The following ALDH3A1 variants were observed in gnomAD, a reference collection of about 807,000 sequenced individuals.
ALDH3A1 encodes the protein aldehyde dehydrogenase 3 family member A1.
ALDH3A1 carries 46 observed loss-of-function variants against 49.9 expected under a neutral mutation model. The observed-to-expected ratio is 0.92, with a 90% confidence interval of 0.73 to 1.18. The LOEUF (loss-of-function observed/expected upper bound fraction) is 1.18, where lower values mean the gene tolerates loss of function less well. Ranked by LOEUF, ALDH3A1 falls within the 50% of genes most tolerant of loss-of-function variation. The pLI, the probability that ALDH3A1 is intolerant of heterozygous loss-of-function variation, is 0.00. For synonymous variants in ALDH3A1, 269 were observed against 253.3 expected (o/e 1.06, Z -0.59); for missense variants, 592 against 611.8 (o/e 0.97, Z 0.34).
rs147573068 is a variant in ALDH3A1 at position 19,742,811 on chromosome 17, G to C, written c.395-181C>G. 8.3e-4 allele frequency: 1,274 copies of C among 1,534,706 alleles called. 11 individuals carry two copies. In the African/African-American group the frequency reaches 0.014, roughly 17 times the overall value. The stretch of plus-strand genomic sequence containing the variant: ...CAGGAGCACGCACGGGCACATGACA[G>C]AGGGACACACACGGGCACACGCTGG... On this transcript the variant is annotated intron_variant, in intron 3 of 10. Coordinates refer to ENST00000225740, the MANE Select transcript of ALDH3A1 (RefSeq NM_000691.5).
rs2086540224 is a variant in ALDH3A1 at position 19,743,442 on chromosome 17, C to T, written c.184G>A (p.Glu62Lys). The T allele has an allele frequency of 6.2e-7, 1 of 1,605,746 alleles. No individual in the cohort carries two copies. Among genetic ancestry groups the T allele is most frequent in the African/African-American group, 1.3e-5 (1 of 74,684 alleles). ...LHKNEWNAYY[E>K]EVVYVLEEIE... ...TCCTCTAGGACGTACACCACCTCCT[C>T]ATAGTAGGCGTTCCATTCATTCTGC... Residue 62 changes from glutamate to lysine, a missense_variant, in exon 3 of 11, where the codon GAG becomes AAG. By Grantham distance (56) the Glu-to-Lys change is moderately conservative (BLOSUM62 1). Coordinates refer to ENST00000225740, the MANE Select transcript of ALDH3A1 (RefSeq NM_000691.5). The surrounding 1 kb of genome is among the most constrained non-coding windows in gnomAD (Gnocchi z 4.4).
Position 19,739,005 on chromosome 17 carries a change from C to A in ALDH3A1, c.1207G>T (p.Gly403Trp), listed in dbSNP as rs763851225. ...VHITLHSLPF[G>W]GVGNSGMGSY... is the part of the protein sequence containing the mutation. ...TCAGCCCCAGACTCACCCACGCCCC[C>A]GAAGGGCAGAGAGTGCAAGGTGATG... The change falls in exon 9 of 11, where the codon GGG becomes TGG. Residue 403 changes from glycine to tryptophan, a missense_variant. Physicochemically the swap from Gly to Trp is radical, Grantham distance 184 (BLOSUM62 -2). Coordinates refer to ENST00000225740, the MANE Select transcript of ALDH3A1 (RefSeq NM_000691.5). 2 of 1,613,270 alleles carry A rather than the reference C, an allele frequency of 1.2e-6. No homozygotes were observed. Among genetic ancestry groups the A allele is most frequent in the African/African-American group, 2.7e-5 (2 of 74,912 alleles).
At chr17:19,746,605 G>T (rs1423158827) in intron 1 of ALDH3A1, among the ~76,000 whole-genome samples, 1 of 151,662 alleles carries the variant, frequency 6.6e-6, no homozygotes, top group Admixed American at 6.6e-5. Flanking sequence ...TGTACCAGGC[G>T]TGTGCATGTG....
chr17:19,741,307 G>C, intron 5 of ALDH3A1, 97 bp from the exon 6 acceptor site: 1 of 1,071,768 alleles, frequency 9.3e-7, no homozygotes, highest in Non-Finnish European at 1.4e-6. Flanking sequence ...AGAAGCCATC[G>C]GCTGTGACCT....
At chr17:19,740,040 T>C in intron 7 of ALDH3A1, 2 of 464,994 alleles carry the variant, frequency 4.3e-6, no homozygotes, top group Non-Finnish European at 7.6e-6. Flanking sequence ...CCCTCACGGC[T>C]GGGCACACCT....
chr17:19,739,535 G>T lies in ALDH3A1; in HGVS notation c.1089C>A (p.Ala363=). 1.9e-6 allele frequency: 3 copies of T among 1,612,402 alleles called. No individual in the cohort carries two copies. Among genetic ancestry groups the T allele is most frequent in the Middle Eastern group, 1.7e-4 (1 of 6,040 alleles). Residue 363 remains alanine (A), a synonymous_variant, in exon 8 of 11, where the codon GCC becomes GCA. Transcript: ENST00000225740. ...QFINQREKPL[A]LYMFSSNDKV... Reference sequence around the variant, plus strand: ...TGTCGTTGCTGGAGAACATGTAGAGGGCCAGGGGCTTCTCACGCTGGTTGA... The same window carrying T: ...TGTCGTTGCTGGAGAACATGTAGAGTGCCAGGGGCTTCTCACGCTGGTTGA...
At chr17:19,747,444 C>T (rs1189886740) in intron 1 of ALDH3A1, among the ~76,000 whole-genome samples, 2 of 152,244 alleles carry the variant, frequency 1.3e-5, no homozygotes, top group African/African-American at 2.4e-5. Context: ...TCTCCCGAGC[C>T]TTGTACGGTC....
Position 19,739,006 on chromosome 17 carries a change from G to A in ALDH3A1, c.1206C>T (p.Phe402=), listed in dbSNP as rs141612566. 532 of 1,613,350 alleles carry A rather than the reference G, an allele frequency of 3.3e-4. No homozygotes were observed. The African/African-American group carries it at 5.4e-3, about 16-fold the overall frequency. ...IVHITLHSLP[F]GGVGNSGMGS... is the part of the protein sequence containing the mutation. ...CAGCCCCAGACTCACCCACGCCCCCGAAGGGCAGAGAGTGCAAGGTGATGT... is the reference window on the plus strand; with the variant it reads ...CAGCCCCAGACTCACCCACGCCCCCAAAGGGCAGAGAGTGCAAGGTGATGT... Residue 402 remains phenylalanine (F), a synonymous_variant, in exon 9 of 11, where the codon TTC becomes TTT. Coordinates refer to ENST00000225740, the MANE Select transcript of ALDH3A1 (RefSeq NM_000691.5).
intron 2 of ALDH3A1, 67 bp downstream of exon 2, chr17:19,744,901 G>GCCGCCCCC (rs1555546867): frequency 2.1e-5 from 9 of 437,682 alleles, no homozygotes; most frequent in African/African-American, 2.0e-4. Flanking sequence ...ACTCTCCCCA[G>GCCGCCCCC]CCCCTCCCCC....
chr17:19,742,093 A>C lies in ALDH3A1; in HGVS notation c.600T>G (p.Ala200=). 1 of 1,613,994 alleles carries C rather than the reference A, an allele frequency of 6.2e-7. No homozygotes were observed. Among genetic ancestry groups the C allele is most frequent in the Non-Finnish European group, 8.5e-7 (1 of 1,180,014 alleles). The change falls in exon 5 of 11, where the codon GCT becomes GCG. Residue 200 remains alanine, a synonymous_variant. Transcript: ENST00000225740. Reference sequence around the variant, plus strand: ...GCGTGACAGGGGTCAGGTGCTTGGCAGCAGCCGTCATGATGATCTTCCCCA... The same window carrying C: ...GCGTGACAGGGGTCAGGTGCTTGGCCGCAGCCGTCATGATGATCTTCCCCA... ...TGVGKIIMTA[A]AKHLTPVTLE... is the part of the protein sequence containing the mutation.
At chr17:19,738,293 G>T (rs369647404) in intron 10 of ALDH3A1, 30 bp downstream of exon 10, 24 of 1,613,772 alleles carry the variant, frequency 1.5e-5, no homozygotes, top group Non-Finnish European at 2.0e-5. Flanking sequence ...GCACAGCCCG[G>T]TCTCCCCCAC....
chr17:19,740,451 T>A lies in ALDH3A1; in HGVS notation c.834A>T (p.Lys278Asn). The change falls in exon 7 of 11, where the codon AAA becomes AAT. Residue 278 changes from lysine (K) to asparagine (N), a missense_variant. Physicochemically the swap from Lys to Asn is moderately conservative, Grantham distance 94 (BLOSUM62 0). Transcript: ENST00000225740. ...LKEFYGEDAKKSRDYGRIISA... is the reference protein window; with the variant it reads ...LKEFYGEDAKNSRDYGRIISA... ...TAATGATTCTTCCATAGTCCCGGGA[T>A]TTCTTAGCATCTTCCCCGTAGAACT... 6.2e-7 allele frequency: 1 copy of A among 1,614,080 alleles called. No homozygotes were observed. Among genetic ancestry groups the A allele is most frequent in the Non-Finnish European group, 8.5e-7 (1 of 1,180,016 alleles).
intron 7 of ALDH3A1, 45 bp from the exon 8 acceptor site, chr17:19,739,719 A>G: frequency 6.3e-7 from 1 of 1,599,904 alleles, no homozygotes; most frequent in Non-Finnish European, 8.5e-7. Context: ...AGAGACCCCC[A>G]CGCGGATGGA....
chr17:19,744,133 C>G, intron 2 of ALDH3A1: 1 of 985,274 alleles, frequency 1.0e-6, no homozygotes, highest in Non-Finnish European at 1.2e-6. Context: ...CGCTGTGGCT[C>G]ATGCCTGTAA....
At position 19,743,757 on chromosome 17, in the gene ALDH3A1, T is replaced by C. The variant is rs1027166681; in HGVS notation, c.163-294A>G. Reference sequence around the variant, plus strand: ...ACGGAATGGATCCAGGTAGGGGGAATAGAGCCGGGCAGGGGAGAGTAGATT... The same window carrying C: ...ACGGAATGGATCCAGGTAGGGGGAACAGAGCCGGGCAGGGGAGAGTAGATT... On this transcript the variant is annotated intron_variant, in intron 2 of 10. Transcript: ENST00000225740. The surrounding 1 kb of genome is among the most constrained non-coding windows in gnomAD (Gnocchi z 4.4). 29 of 967,322 alleles carry C rather than the reference T, an allele frequency of 3.0e-5. No individual in the cohort carries two copies. The African/African-American group carries it at 3.3e-4, about 11-fold the overall frequency. 59.9% of individuals were successfully genotyped at this position (967,322 alleles called of 1,614,324 possible).
At chr17:19,742,857 C>T in intron 3 of ALDH3A1, 1 of 1,532,254 alleles carries the variant, frequency 6.5e-7, no homozygotes, top group Non-Finnish European at 8.7e-7. Context: ...ACCACCTGGC[C>T]CTCTGAGTTG....
In ALDH3A1 at chr17:19,743,571, C is replaced by A; in HGVS notation, c.163-108G>T. ...GCCAGGGTGATGGGGGTCACTCACCCAGCCCAGGGTGGGGGCAGCCGCAGA... is the reference window on the plus strand; with the variant it reads ...GCCAGGGTGATGGGGGTCACTCACCAAGCCCAGGGTGGGGGCAGCCGCAGA... On this transcript the variant is annotated intron_variant, in intron 2 of 10. Coordinates refer to ENST00000225740, the MANE Select transcript of ALDH3A1 (RefSeq NM_000691.5). This position sits in a 1 kb window ranked among gnomAD's most constrained non-coding sequence, Gnocchi z 4.4. 2 of 1,487,464 alleles carry A rather than the reference C, an allele frequency of 1.3e-6. No homozygotes were observed. Among genetic ancestry groups the A allele is most frequent in the South Asian group, 1.4e-5 (1 of 72,954 alleles). The allele number at this position is 1,487,464 out of a possible 1,614,324, so 92.1% of individuals were successfully genotyped here.
chr17:19,744,844 C>T (rs917702059), intron 2 of ALDH3A1, 124 bp downstream of exon 2: 9 of 1,354,652 alleles, frequency 6.6e-6, no homozygotes, highest in East Asian at 3.1e-5. Flanking sequence ...TCTCCGCGAC[C>T]GAGGGGCCAG....
At chr17:19,738,692 G>T in intron 9 of ALDH3A1, 1 of 641,756 alleles carries the variant, frequency 1.6e-6, no homozygotes, top group Admixed American at 2.9e-5. Flanking sequence ...CATCCACACT[G>T]TGGGAGTGCC....
Sources: gnomAD v4.1 joint callset for allele counts (sites outside exome capture counted in the v4.1 genomes callset) on GRCh38, gnomAD v4.1.1 for gene constraint, Gnocchi (gnomAD v3.1) non-coding constraint, MANE v1.5 for transcripts, NCBI Gene and HGNC (gene_info 2026-07-23, HGNC 2026-07-21) for gene names.